The following ACADM variants were observed in gnomAD, a reference collection of about 807,000 sequenced individuals.
The protein encoded by ACADM is medium-chain specific acyl-CoA dehydrogenase, mitochondrial.
In ACADM, 49 loss-of-function variants were observed where a neutral mutation model predicts 58.9. The observed-to-expected ratio is 0.83, with a 90% CI of 0.66 to 1.06. The LOEUF (loss-of-function observed/expected upper bound fraction) is 1.06, where lower values mean the gene tolerates loss of function less well. Among genes scored for constraint, ACADM ranks in the 50% least tolerant of loss-of-function variants. ACADM has a pLI of 0.00. For synonymous variants in ACADM, 160 were observed against 157.7 expected, an observed-to-expected ratio of 1.01 and a Z score of -0.11; for missense variants, 496 against 507.0, an observed-to-expected ratio of 0.98 and a Z score of 0.21.
Position 75,728,452 on chromosome 1 carries a change from A to G in ACADM, c.82A>G (p.Asn28Asp). 3 of 1,613,658 alleles carry G rather than the reference A, an allele frequency of 1.9e-6. No homozygotes were observed. The highest frequency in any genetic ancestry group is 2.5e-6 in the Non-Finnish European group (3 of 1,179,706). ...FHWRSQHTKANRQREPGLGFS... is the reference protein window; with the variant it reads ...FHWRSQHTKADRQREPGLGFS... ...TTGGAGATCACAGCATACAAAAGCC[A>G]ATCGACAACGTGAACCAGGATTAGG... Residue 28 changes from asparagine (N) to aspartate (D), a missense_variant, in exon 2 of 12, where the codon AAT becomes GAT. Physicochemically the swap from Asn to Asp is conservative, Grantham distance 23. Coordinates refer to ENST00000370841, the MANE Select transcript of ACADM (RefSeq NM_000016.6).
At chr1:75,737,445 T>G (rs1647335326) in intron 6 of ACADM, among the ~76,000 whole-genome samples, 1 of 151,340 alleles carries the variant, frequency 6.6e-6, no homozygotes, top group Admixed American at 6.6e-5. Context: ...CTTCACTGTA[T>G]TATGAAACAG....
chr1:75,732,622 T>C, intron 2 of ACADM, 22 bp from the exon 3 acceptor site: 2 of 1,587,008 alleles, frequency 1.3e-6, no homozygotes, highest in East Asian at 2.2e-5. Context: ...AGTTTTAACT[T>C]TTCTAAATAA....
At chr1:75,734,526 C>T (rs1164504066) in intron 5 of ACADM, 1 of 413,730 alleles carries the variant, frequency 2.4e-6, no homozygotes, top group Admixed American at 3.6e-5. Flanking sequence ...ATATTCTAAA[C>T]ATAATTTTTT....
chr1:75,730,248 T>G (rs576418324), intron 2 of ACADM, among the ~76,000 whole-genome samples: 1 of 152,294 alleles, frequency 6.6e-6, no homozygotes, highest in Non-Finnish European at 1.5e-5. Flanking sequence ...TGCTTGTCAC[T>G]TTAAATTTCT....
chr1:75,758,705 G>C (rs1447281661), intron 10 of ACADM, among the ~76,000 whole-genome samples: 1 of 152,126 alleles, frequency 6.6e-6, no homozygotes, highest in Non-Finnish European at 1.5e-5. Flanking sequence ...TCTAGCTAAA[G>C]GATTGTAAAC....
rs1647213477 is a variant in ACADM at position 75,734,843 on chromosome 1, G to A, written c.440G>A (p.Gly147Glu). ...GATCAACAAAAGAAGAAGTATTTGGGGAGAATGACTGAGGAGCCATTGATG... is the reference window on the plus strand; with the variant it reads ...GATCAACAAAAGAAGAAGTATTTGGAGAGAATGACTGAGGAGCCATTGATG... ...GNDQQKKKYL[G>E]RMTEEPLMCA... Residue 147 changes from glycine to glutamate, a missense_variant, in exon 6 of 12, where the codon GGG (glycine) becomes GAG (glutamate). By Grantham distance (98) the Gly-to-Glu change is moderately conservative. Transcript: ENST00000370841. 6.2e-7 allele frequency: 1 copy of A among 1,613,790 alleles called. No individual in the cohort carries two copies. The highest frequency in any genetic ancestry group is 2.2e-5 in the East Asian group (1 of 44,852).
intron 2 of ACADM, among the ~76,000 whole-genome samples, chr1:75,731,614 AT>A (rs1557443591): frequency 1.3e-5 from 2 of 152,154 alleles, no homozygotes; most frequent in African/African-American, 4.8e-5. Flanking sequence ...ATGTAAACAA[AT>A]TGTTGGACAC....
chr1:75,735,891 T>G (rs1225057027), intron 6 of ACADM, among the ~76,000 whole-genome samples: 6 of 150,100 alleles, frequency 4.0e-5, no homozygotes, highest in Admixed American at 4.0e-4. Context: ...GGCTCACACC[T>G]GTAATGTCAG....
Position 75,745,829 on chromosome 1 carries a change from A to G in ACADM, c.623A>G (p.Asp208Gly), listed in dbSNP as rs1647866225. The change falls in exon 8 of 12, where the codon GAT becomes GGT. Residue 208 changes from aspartate to glycine, a missense_variant. Asp to Gly is a moderately conservative substitution (Grantham distance 94). Transcript: ENST00000370841. ...AGGTATTTTTTATTGGCACGTTCTGATCCAGATCCTAAAGCTCCTGCTAAT... is the reference window on the plus strand; with the variant it reads ...AGGTATTTTTTATTGGCACGTTCTGGTCCAGATCCTAAAGCTCCTGCTAAT... Reference protein sequence around the residue: ...ANWYFLLARSDPDPKAPANKA... With the variant: ...ANWYFLLARSGPDPKAPANKA... The G allele has an allele frequency of 2.5e-6, 4 of 1,613,844 alleles. No homozygotes were observed. Among genetic ancestry groups the G allele is most frequent in the Non-Finnish European group, 3.4e-6 (4 of 1,179,844 alleles).
chr1:75,748,128 T>TA (rs1446965418), intron 8 of ACADM, among the ~76,000 whole-genome samples: 1 of 152,182 alleles, frequency 6.6e-6, no homozygotes, highest in East Asian at 1.9e-4. Flanking sequence ...TATTAAGAGT[T>TA]ATGTCTGCAA....
chr1:75,732,954 T>A, intron 4 of ACADM, 32 bp downstream of exon 4: 1 of 1,612,746 alleles, frequency 6.2e-7, no homozygotes, highest in South Asian at 1.1e-5. Flanking sequence ...AATACTGGAA[T>A]GCATATGAGT....
At chr1:75,737,230 C>A (rs1647297759) in intron 6 of ACADM, among the ~76,000 whole-genome samples, 1 of 136,626 alleles carries the variant, frequency 7.3e-6, no homozygotes, top group Admixed American at 7.7e-5. Context: ...GCCAGGAGTT[C>A]AAGACCAGCC....
chr1:75,750,537 A>G lies in ACADM; in HGVS notation c.936A>G (p.Leu312=). ...YALERKTFGK[L]LVEHQAISFM... ...TGGAAAGGAAAACTTTCGGAAAGCT[A>G]CTTGTAGAGGTAATTTTAATACTGC... The change falls in exon 10 of 12, where the codon CTA becomes CTG. Residue 312 remains leucine (L), a synonymous_variant. Transcript: ENST00000370841. The G allele has an allele frequency of 6.2e-7, 1 of 1,608,948 alleles. No individual in the cohort carries two copies. The highest frequency in any genetic ancestry group is 8.5e-7 in the Non-Finnish European group (1 of 1,177,184).
intron 10 of ACADM, among the ~76,000 whole-genome samples, chr1:75,759,259 C>A (rs1648687469): frequency 6.6e-6 from 1 of 152,232 alleles, no homozygotes; most frequent in South Asian, 2.1e-4. Flanking sequence ...ATTAATTAAA[C>A]CATTGGTCAT....
At chr1:75,727,006 T>C (rs565381874) in intron 1 of ACADM, among the ~76,000 whole-genome samples, 1 of 152,092 alleles carries the variant, frequency 6.6e-6, no homozygotes, top group South Asian at 2.1e-4. Context: ...GGTTTCACCA[T>C]GTTGGTCAGG....
intron 11 of ACADM, 59 bp from the exon 12 acceptor site, chr1:75,762,633 A>G: frequency 2.7e-6 from 3 of 1,106,104 alleles, no homozygotes; most frequent in Non-Finnish European, 4.1e-6. Context: ...AAAATGTTGA[A>G]TAAATCAAAG....
intron 2 of ACADM, among the ~76,000 whole-genome samples, chr1:75,729,300 T>TC (rs1170577194): frequency 6.8e-6 from 1 of 146,742 alleles, no homozygotes; most frequent in East Asian, 2.0e-4. Flanking sequence ...TTTTTCTTTT[T>TC]TTTTTTTTTT....
Position 75,753,795 on chromosome 1 carries a change from C to CTTTTTTT in ACADM, c.945+3262_945+3268dup, listed in dbSNP as rs71071962. Among the ~76,000 whole-genome samples, 14 of 81,920 alleles carry CTTTTTTT rather than the reference C, an allele frequency of 1.7e-4. 1 individual carries two copies. The highest frequency in any genetic ancestry group is 4.3e-4 in the African/African-American group (7 of 16,454). 53.7% of individuals were successfully genotyped at this position (81,920 alleles called of 152,430 possible). A position where few individuals can be genotyped will look rare whatever the true frequency, so the allele number is the denominator to read the frequency against. On this transcript the variant is annotated intron_variant, in intron 10 of 11. Transcript: ENST00000370841. ...GCACTCTGCAAAATGCTGATAGCTT[C>CTTTTTTT]TTTTTTTTTTTTTTTTTTTGAGACA...
chr1:75,755,033 A>G (rs1400814478), intron 10 of ACADM: 1 of 152,426 alleles, frequency 6.6e-6, no homozygotes, highest in Non-Finnish European at 1.5e-5. Context: ...GTCTGAGATG[A>G]AACTACAAGG....
Sources: allele counts gnomAD v4.1 joint callset (sites outside exome capture counted in the v4.1 genomes callset), GRCh38; gene constraint gnomAD v4.1.1; transcripts MANE v1.5; gene names NCBI Gene and HGNC (gene_info 2026-07-23, HGNC 2026-07-21).